Variants in PTPRQ observed in about 807,000 individuals in gnomAD.
PTPRQ encodes the protein phosphatidylinositol phosphatase PTPRQ.
Under a neutral mutation model 246.0 loss-of-function variants are expected in PTPRQ, and 199 were observed. The observed-to-expected ratio is 0.81, with a 90% confidence interval of 0.72 to 0.91. The LOEUF (loss-of-function observed/expected upper bound fraction) is 0.91, where lower values mean the gene tolerates loss of function less well. PTPRQ is among the 40% of genes least tolerant of loss of function. PTPRQ has a pLI of 0.00. For synonymous variants in PTPRQ, 869 were observed against 853.2 expected, an observed-to-expected ratio of 1.02 and a Z score of -0.32; for missense variants, 2,624 against 2,528.4, an observed-to-expected ratio of 1.04 and a Z score of -0.81.
chr12:80,587,413 T>TA (rs1192724379), intron 25 of PTPRQ, among the ~76,000 whole-genome samples: 2 of 152,196 alleles, frequency 1.3e-5, no homozygotes, highest in African/African-American at 4.8e-5. Flanking sequence ...TTCTTATTTC[T>TA]AACCATAACA....
At position 80,484,526 on chromosome 12, in the gene PTPRQ, T is replaced by C. The variant is rs1894208740; in HGVS notation, c.1280T>C (p.Ile427Thr). 6.4e-7 allele frequency: 1 copy of C among 1,551,280 alleles called. No individual in the cohort carries two copies. Among genetic ancestry groups the C allele is most frequent in the African/African-American group, 1.4e-5 (1 of 73,000 alleles). ...WKKPRQPNGIINQYRVKVLVP... is the reference protein window; with the variant it reads ...WKKPRQPNGITNQYRVKVLVP... Reference sequence around the variant, plus strand: ...AAACCACGACAACCAAATGGAATTATTAACCAATACCGAGTGAAAGTGCTA... The same window carrying C: ...AAACCACGACAACCAAATGGAATTACTAACCAATACCGAGTGAAAGTGCTA... The change falls in exon 9 of 45, where the codon ATT becomes ACT. Residue 427 changes from isoleucine (I) to threonine (T), a missense_variant. Ile to Thr is a moderately conservative substitution (Grantham distance 89). Coordinates refer to ENST00000644991, the MANE Select transcript of PTPRQ (RefSeq NM_001145026.2).
In PTPRQ at chr12:80,451,158, A is replaced by G. The variant is rs960938470; in HGVS notation, c.390+5441A>G. Among the ~76,000 whole-genome samples, 62 of 152,080 alleles carry G rather than the reference A, an allele frequency of 4.1e-4. 1 individual carries two copies. The highest frequency in any genetic ancestry group is 1.5e-3 in the African/African-American group (62 of 41,482). On this transcript the variant is annotated intron_variant, in intron 3 of 44. Coordinates refer to ENST00000644991, the MANE Select transcript of PTPRQ (RefSeq NM_001145026.2). ...CCATTCCTTCTAGATTTTCTAGTTTATTTGCATAGAGGTGTTTGTAGTATT... is the reference window on the plus strand; with the variant it reads ...CCATTCCTTCTAGATTTTCTAGTTTGTTTGCATAGAGGTGTTTGTAGTATT...
In PTPRQ at chr12:80,496,530, T is replaced by C. The variant is rs946424266; in HGVS notation, c.2271T>C (p.Thr757=). The part of the protein sequence containing the change: ...SSLLSVRTSE[T]VPDSAPENIT... ...TACTCTCTGTAAGGACTTCGGAGAC[T>C]GGTGAGCTTTTGTTTTCTTTGTTTG... Residue 757 remains threonine (T), a splice_region_variant and synonymous_variant, in exon 14 of 45, where the codon ACT becomes ACC. Coordinates refer to ENST00000644991, the MANE Select transcript of PTPRQ (RefSeq NM_001145026.2). 4 of 1,466,170 alleles carry C rather than the reference T, an allele frequency of 2.7e-6. No homozygotes were observed. The highest frequency in any genetic ancestry group is 3.6e-5 in the African/African-American group (2 of 55,072). 90.8% of individuals were successfully genotyped at this position (1,466,170 alleles called of 1,614,324 possible). A position where few individuals can be genotyped will look rare whatever the true frequency, so the allele number is the denominator to read the frequency against.
intron 3 of PTPRQ, 126 bp from the exon 4 acceptor site, chr12:80,457,449 T>C: frequency 2.5e-6 from 1 of 396,802 alleles, no homozygotes; most frequent in Non-Finnish European, 4.5e-6. Context: ...GCCTTCTTCC[T>C]TGAGAGTATT....
chr12:80,511,372 A>G (rs116386304), intron 17 of PTPRQ, among the ~76,000 whole-genome samples: 2,403 of 152,224 alleles, frequency 0.016, 60 homozygotes, highest in African/African-American at 0.055. Context: ...CTTGACTCCC[A>G]GTTAGCGAAA....
At chr12:80,541,056 A>C (rs1222840022) in intron 20 of PTPRQ, among the ~76,000 whole-genome samples, 1 of 152,012 alleles carries the variant, frequency 6.6e-6, no homozygotes, top group Admixed American at 6.6e-5. Context: ...GACTGGAGAG[A>C]TTTTGAGACT....
chr12:80,674,713 C>T (rs937985053), intron 43 of PTPRQ, among the ~76,000 whole-genome samples: 4 of 152,046 alleles, frequency 2.6e-5, no homozygotes, highest in Admixed American at 6.5e-5. Context: ...TTGCTAATTG[C>T]TAAGGCTACT....
intron 9 of PTPRQ, among the ~76,000 whole-genome samples, chr12:80,491,421 G>A (rs1422364932): frequency 2.6e-5 from 4 of 151,962 alleles, no homozygotes; most frequent in Non-Finnish European, 4.4e-5. Flanking sequence ...TCCCTGTGGA[G>A]GCAGTGCTGA....
chr12:80,558,467 C>CTTT (rs57046212), intron 25 of PTPRQ, among the ~76,000 whole-genome samples: 36 of 122,880 alleles, frequency 2.9e-4, no homozygotes, highest in African/African-American at 5.9e-4. Context: ...TGCACCTGGC[C>CTTT]TTTTTTTTTT....
intron 25 of PTPRQ, among the ~76,000 whole-genome samples, chr12:80,569,544 ATAAAT>A (rs1336064825): frequency 1.3e-5 from 2 of 151,974 alleles, no homozygotes; most frequent in Non-Finnish European, 2.9e-5. Context: ...TATAATAATA[ATAAAT>A]TAAAAACAAA....
chr12:80,479,425 C>T (rs1390049529), intron 8 of PTPRQ, among the ~76,000 whole-genome samples: 4 of 151,464 alleles, frequency 2.6e-5, no homozygotes, highest in African/African-American at 9.7e-5. Flanking sequence ...CAAAATCATG[C>T]CAAAATGTAA....
intron 26 of PTPRQ, among the ~76,000 whole-genome samples, chr12:80,598,056 TAGTC>T (rs1898026192): frequency 6.6e-6 from 1 of 151,988 alleles, no homozygotes; most frequent in Non-Finnish European, 1.5e-5. Context: ...AGTCTGAAAT[TAGTC>T]AGGAAATAAC....
chr12:80,457,668 A>G, intron 4 of PTPRQ, 24 bp downstream of exon 4: 1 of 400,148 alleles, frequency 2.5e-6, no homozygotes, highest in Non-Finnish European at 4.4e-6. Flanking sequence ...CATTTATTTT[A>G]AATTGACTTA....
At chr12:80,532,640 G>A (rs1212698897) in intron 17 of PTPRQ, among the ~76,000 whole-genome samples, 1 of 152,074 alleles carries the variant, frequency 6.6e-6, no homozygotes, top group Non-Finnish European at 1.5e-5. Context: ...CTTTTCTGGC[G>A]ACTAATAGCC....
In PTPRQ at chr12:80,494,987, T is replaced by A; in HGVS notation, c.1595T>A (p.Val532Asp). The A allele has an allele frequency of 1.9e-6, 3 of 1,550,308 alleles. No homozygotes were observed. In the South Asian group the frequency reaches 3.6e-5, roughly 18 times the overall value. ...TDIAAEQLSY[V>D]IRRLVPFTEH... is the part of the protein sequence containing the mutation. Reference sequence around the variant, plus strand: ...ATTGCAGCTGAACAGCTGTCTTATGTTATCAGGAGACTTGTACCTTTCACT... The same window carrying A: ...ATTGCAGCTGAACAGCTGTCTTATGATATCAGGAGACTTGTACCTTTCACT... Residue 532 changes from valine (V) to aspartate (D), a missense_variant, in exon 11 of 45, where the codon GTT becomes GAT. Val to Asp is a radical substitution (Grantham distance 152). Transcript: ENST00000644991.
chr12:80,524,121 G>GT (rs772041752), intron 17 of PTPRQ, among the ~76,000 whole-genome samples: 14 of 152,178 alleles, frequency 9.2e-5, no homozygotes, highest in South Asian at 8.3e-4. Context: ...TTATGTAATG[G>GT]CCTTCTTTGT....
intron 17 of PTPRQ, among the ~76,000 whole-genome samples, chr12:80,512,065 C>G (rs1350064646): frequency 2.0e-5 from 3 of 152,108 alleles, no homozygotes; most frequent in Non-Finnish European, 4.4e-5. Context: ...GGAAGAAAAA[C>G]TAACAGGACT....
chr12:80,635,519 A>G (rs567450966), intron 35 of PTPRQ, among the ~76,000 whole-genome samples: 1 of 152,132 alleles, frequency 6.6e-6, no homozygotes, highest in Admixed American at 6.5e-5. Flanking sequence ...ATAAAAGTAC[A>G]TAAAAGTCTA....
At chr12:80,503,172 G>A (rs756148047) in intron 14 of PTPRQ, among the ~76,000 whole-genome samples, 5 of 151,780 alleles carry the variant, frequency 3.3e-5, no homozygotes, top group African/African-American at 4.8e-5. Flanking sequence ...ATACCCAAGA[G>A]GGCTAAACTG....
Sources: gnomAD v4.1 joint callset for allele counts (sites outside exome capture counted in the v4.1 genomes callset) on GRCh38, gnomAD v4.1.1 for gene constraint, MANE v1.5 for transcripts, NCBI Gene and HGNC (gene_info 2026-07-23, HGNC 2026-07-21) for gene names.